Variants in SULT6B1 observed in about 807,000 individuals in gnomAD.
The protein encoded by SULT6B1 is sulfotransferase 6B1.
A neutral mutation model predicts 37.2 loss-of-function variants in SULT6B1; 44 were observed. That is an observed-to-expected ratio of 1.18 (90% CI 0.93 to 1.52). The LOEUF (loss-of-function observed/expected upper bound fraction) is 1.52, where lower values mean the gene tolerates loss of function less well. SULT6B1 is among the 40% of genes most tolerant of loss of function. The pLI is 0.00. For synonymous variants in SULT6B1, 140 were observed against 126.0 expected (o/e 1.11, Z -0.74); for missense variants, 450 against 361.0 (o/e 1.25, Z -2.00).
intron 6 of SULT6B1, among the ~76,000 whole-genome samples, chr2:37,170,586 T>C (rs11902228): frequency 0.22 from 33,247 of 151,308 alleles, 3,840 homozygotes; most frequent in South Asian, 0.35. Flanking sequence ...CTGGCCAATA[T>C]GGCAAAACCC....
At chr2:37,172,664 C>T (rs181286589) in intron 5 of SULT6B1, among the ~76,000 whole-genome samples, 2,177 of 151,838 alleles carry the variant, frequency 0.014, 40 homozygotes, top group East Asian at 0.055. Flanking sequence ...TGTGCCACCA[C>T]GCCTGGCTAA....
intron 6 of SULT6B1, among the ~76,000 whole-genome samples, chr2:37,169,483 CTTGTTT>C (rs373450903): frequency 5.3e-5 from 8 of 151,814 alleles, no homozygotes; most frequent in Admixed American, 1.3e-4. Flanking sequence ...TTTTTGTTTT[CTTGTTT>C]TTGTTTTTGT....
rs1260367997 is a variant in SULT6B1 at position 37,183,500 on chromosome 2, A to G, written c.327T>C (p.Phe109=). The change falls in exon 3 of 7, where the codon TTT becomes TTC. Residue 109 remains phenylalanine, a synonymous_variant. Coordinates refer to ENST00000535679, the MANE Select transcript of SULT6B1 (RefSeq NM_001367551.1). The part of the protein sequence containing the change: ...DSEKYQRMKG[F]PSPRILATHL... ...GAGTTGCCAAAATCCTTGGTGATGGAAAGCCTTTCATTCTCTTAAAAATAT... is the reference window on the plus strand; with the variant it reads ...GAGTTGCCAAAATCCTTGGTGATGGGAAGCCTTTCATTCTCTTAAAAATAT... 6.2e-7 allele frequency: 1 copy of G among 1,613,900 alleles called. No homozygotes were observed. The highest frequency in any genetic ancestry group is 8.5e-7 in the Non-Finnish European group (1 of 1,179,758).
intron 2 of SULT6B1, among the ~76,000 whole-genome samples, 158 bp downstream of exon 2, chr2:37,187,197 A>G (rs1315460924): frequency 1.3e-5 from 2 of 152,222 alleles, no homozygotes; most frequent in African/African-American, 2.4e-5. Context: ...GCAGAAAATG[A>G]GATGATACCT....
intron 6 of SULT6B1, among the ~76,000 whole-genome samples, chr2:37,168,426 A>G (rs6748151): frequency 0.75 from 114,231 of 152,126 alleles, 43,419 homozygotes; most frequent in East Asian, 0.96. Flanking sequence ...CCAAAGTGCT[A>G]GGTACAGGCG....
At chr2:37,194,457 C>T (rs1346185718) in intron 1 of SULT6B1, 2 of 427,850 alleles carry the variant, frequency 4.7e-6, no homozygotes, top group African/African-American at 4.1e-5. Context: ...GAATCTTCAT[C>T]CTCATTACAT....
intron 3 of SULT6B1, among the ~76,000 whole-genome samples, chr2:37,182,366 G>A (rs1195136706): frequency 8.6e-5 from 13 of 151,816 alleles, no homozygotes; most frequent in Admixed American, 8.5e-4. Flanking sequence ...CGATTCTGCT[G>A]CCTCAGGCTC....
intron 2 of SULT6B1, among the ~76,000 whole-genome samples, chr2:37,186,262 A>T (rs938311334): frequency 3.9e-5 from 6 of 152,076 alleles, no homozygotes; most frequent in African/African-American, 1.4e-4. Context: ...TTTTACTGAG[A>T]CTGTGGTTCC....
At chr2:37,169,872 T>C (rs921613957) in intron 6 of SULT6B1, among the ~76,000 whole-genome samples, 2 of 152,214 alleles carry the variant, frequency 1.3e-5, no homozygotes, top group Non-Finnish European at 2.9e-5. Flanking sequence ...CTGTTAGCTG[T>C]TGTTGTCCTT....
chr2:37,171,657 T>A, intron 5 of SULT6B1, 67 bp from the exon 6 acceptor site: 1 of 1,493,684 alleles, frequency 6.7e-7, no homozygotes, highest in Non-Finnish European at 9.1e-7. Flanking sequence ...TGAGACAGAC[T>A]TTTTAGTCAT....
intron 3 of SULT6B1, among the ~76,000 whole-genome samples, chr2:37,181,627 C>A (rs556204077): frequency 1.3e-5 from 2 of 151,500 alleles, no homozygotes; most frequent in Non-Finnish European, 2.9e-5. Context: ...GCGATCCCTC[C>A]TGCTTCGGCC....
chr2:37,179,729 G>A, intron 3 of SULT6B1, 145 bp from the exon 4 acceptor site: 1 of 672,090 alleles, frequency 1.5e-6, no homozygotes, highest in Admixed American at 3.4e-5. Flanking sequence ...GGAAACTGAG[G>A]AACAGGAGGT....
rs1332960092 is a variant in SULT6B1 at position 37,183,489 on chromosome 2, C to G, written c.338G>C (p.Arg113Thr). The change falls in exon 3 of 7, where the codon AGG becomes ACG. Residue 113 changes from arginine to threonine, a missense_variant. Arg to Thr is a moderately conservative substitution (Grantham distance 71). Transcript: ENST00000535679. ...ATAGTGGAGGTGAGTTGCCAAAATCCTTGGTGATGGAAAGCCTTTCATTCT... is the reference window on the plus strand; with the variant it reads ...ATAGTGGAGGTGAGTTGCCAAAATCGTTGGTGATGGAAAGCCTTTCATTCT... The part of the protein sequence containing the change: ...YQRMKGFPSP[R>T]ILATHLHYDK... 6.8e-6 allele frequency: 11 copies of G among 1,613,982 alleles called. No homozygotes were observed. The highest frequency in any genetic ancestry group is 9.3e-6 in the Non-Finnish European group (11 of 1,179,954).
chr2:37,193,643 A>AAGG (rs1553345892), upstream of SULT6B1, among the ~76,000 whole-genome samples: 32 of 132,494 alleles, frequency 2.4e-4, no homozygotes, highest in East Asian at 7.2e-4. Flanking sequence ...GAAGAAGAAG[A>AAGG]AGAAGAAGGA....
chr2:37,173,227 G>C (rs533654674), intron 5 of SULT6B1, among the ~76,000 whole-genome samples: 2 of 152,134 alleles, frequency 1.3e-5, no homozygotes, highest in Non-Finnish European at 2.9e-5. Flanking sequence ...AGGAGCACTT[G>C]ATACTCCCTT....
chr2:37,189,512 A>T (rs1249099685), upstream of SULT6B1, among the ~76,000 whole-genome samples: 1 of 152,198 alleles, frequency 6.6e-6, no homozygotes, highest in Non-Finnish European at 1.5e-5. Flanking sequence ...AGGCTGGCCC[A>T]CTTCCAGCAT....
intron 4 of SULT6B1, among the ~76,000 whole-genome samples, chr2:37,179,083 C>G (rs903254551): frequency 1.3e-5 from 2 of 152,124 alleles, no homozygotes; most frequent in African/African-American, 4.8e-5. Flanking sequence ...TTCAGCTTCC[C>G]GAGTAGCTGG....
Position 37,171,496 on chromosome 2 carries a change from T to C in SULT6B1, c.719A>G (p.Gln240Arg), listed in dbSNP as rs763357523. ...GTCCTGAGACTTCGCACGCATGGCT[T>C]GGAAGGTGCTCTGGACTGAGATAGT... ...IQTISVQSTF[Q>R]AMRAKSQDTH... The change falls in exon 6 of 7, where the codon CAA becomes CGA. Residue 240 changes from glutamine (Q) to arginine (R), a missense_variant. Transcript: ENST00000535679. The C allele has an allele frequency of 6.2e-7, 1 of 1,614,160 alleles. No homozygotes were observed. Among genetic ancestry groups the C allele is most frequent in the South Asian group, 1.1e-5 (1 of 91,068 alleles).
rs1420701011 is a variant in SULT6B1, at chr2:37,181,359, G to A, written c.403-1775C>T. ...GTATGAACAAATTCCCCACGTCAAC[G>A]TCTTACCTCCCTGCTGTTGCTCTTG... On this transcript the variant is annotated intron_variant, in intron 3 of 6. Coordinates refer to ENST00000535679, the MANE Select transcript of SULT6B1 (RefSeq NM_001367551.1). Among the ~76,000 whole-genome samples, 4 of 152,092 alleles carry A rather than the reference G, an allele frequency of 2.6e-5. No individual in the cohort carries two copies. The South Asian group carries it at 6.2e-4, about 24-fold the overall frequency.
Sources: allele counts gnomAD v4.1 joint callset (sites outside exome capture counted in the v4.1 genomes callset), GRCh38; gene constraint gnomAD v4.1.1; transcripts MANE v1.5; gene names NCBI Gene and HGNC (gene_info 2026-07-23, HGNC 2026-07-21).